The following EFCAB8 variants were observed in gnomAD, a reference collection of about 807,000 sequenced individuals.
EFCAB8 encodes EF-hand calcium binding domain 8.
Under a neutral mutation model 116.3 loss-of-function variants are expected in EFCAB8, and 100 were observed. The ratio of observed to expected loss-of-function variants is 0.86; its 90% CI spans 0.73 to 1.02. EFCAB8 has a LOEUF of 1.02. Ranked by LOEUF, EFCAB8 falls within the 50% of genes least tolerant of loss-of-function variation. The pLI, the probability that EFCAB8 is intolerant of heterozygous loss-of-function variation, is 0.00. For missense variants in EFCAB8, 1,320 were observed against 1,416.9 expected, an observed-to-expected ratio of 0.93 and a Z score of 1.10; for synonymous variants, 558 against 567.9, an observed-to-expected ratio of 0.98 and a Z score of 0.25.
intron 1 of EFCAB8, among the ~76,000 whole-genome samples, chr20:32,862,224 G>C (rs887143537): frequency 2.0e-5 from 3 of 150,846 alleles, no homozygotes; most frequent in African/African-American, 7.3e-5. Context: ...TCAACCTCCT[G>C]GGCTCAAGTA....
chr20:32,898,550 G>A lies in EFCAB8; in HGVS notation c.1015G>A (p.Val339Ile). Reference sequence around the variant, plus strand: ...GTTCATCCCCCAGATGAATGTGGTAGTCTCCTGTTCAGCCATCGAGAAGTC... The same window carrying A: ...GTTCATCCCCCAGATGAATGTGGTAATCTCCTGTTCAGCCATCGAGAAGTC... ...VKFIPQMNVV[V>I]SCSAIEKSSL... The change falls in exon 11 of 27, where the codon GTC becomes ATC. Residue 339 changes from valine (V) to isoleucine (I), a missense_variant. Physicochemically the swap from Val to Ile is conservative, Grantham distance 29 (BLOSUM62 3). Transcript: ENST00000400522. 1 of 718,676 alleles carries A rather than the reference G, an allele frequency of 1.4e-6. No homozygotes were observed. 44.5% of individuals were successfully genotyped at this position (718,676 alleles called of 1,614,324 possible).
At chr20:32,913,143 G>A (rs1987021564) in intron 17 of EFCAB8, among the ~76,000 whole-genome samples, 1 of 152,178 alleles carries the variant, frequency 6.6e-6, no homozygotes, top group Non-Finnish European at 1.5e-5. Context: ...GAATGTCTTA[G>A]TCCATTCGGG....
At chr20:32,879,943 C>G (rs1250826168) in intron 5 of EFCAB8, among the ~76,000 whole-genome samples, 1 of 152,162 alleles carries the variant, frequency 6.6e-6, no homozygotes, top group African/African-American at 2.4e-5. Flanking sequence ...GTGTTCCTCC[C>G]CCTGGACTCC....
intron 23 of EFCAB8, among the ~76,000 whole-genome samples, chr20:32,948,802 T>C (rs966519658): frequency 2.6e-5 from 4 of 152,132 alleles, no homozygotes; most frequent in Non-Finnish European, 5.9e-5. Flanking sequence ...TTTGACAAAA[T>C]TCAACATCCA....
intron 22 of EFCAB8, among the ~76,000 whole-genome samples, chr20:32,940,624 G>A (rs1988376082): frequency 6.7e-6 from 1 of 149,922 alleles, no homozygotes; most frequent in South Asian, 2.1e-4. Context: ...ATACCGTCAA[G>A]AAAGTGAAAG....
intron 6 of EFCAB8, among the ~76,000 whole-genome samples, chr20:32,887,324 C>T (rs1985682024): frequency 6.6e-6 from 1 of 152,236 alleles, no homozygotes; most frequent in African/African-American, 2.4e-5. Context: ...GCCTGTAATC[C>T]CAGCACTTTG....
At chr20:32,952,067 C>A (rs956314966) in intron 23 of EFCAB8, among the ~76,000 whole-genome samples, 13 of 151,962 alleles carry the variant, frequency 8.6e-5, no homozygotes, top group Non-Finnish European at 1.8e-4. Context: ...TGAGACCAGC[C>A]TGGGCAACAT....
In EFCAB8 at chr20:32,885,643, G is replaced by A. The variant is rs1243474964; in HGVS notation, c.567+3G>A. On this transcript the variant is annotated splice_donor_region_variant and intron_variant, in intron 6 of 26. Coordinates refer to ENST00000400522, the MANE Select transcript of EFCAB8 (RefSeq NM_001143967.2). ...TCTCGCTGATGAGCTCCTTTAGGGT[G>A]AGTGGGGCCCCTACACATGGTGCAC... 1 of 1,551,608 alleles carries A rather than the reference G, an allele frequency of 6.4e-7. No individual in the cohort carries two copies. Among genetic ancestry groups the A allele is most frequent in the Non-Finnish European group, 8.7e-7 (1 of 1,146,912 alleles).
intron 22 of EFCAB8, among the ~76,000 whole-genome samples, chr20:32,941,081 G>A (rs1988394217): frequency 1.3e-5 from 2 of 149,142 alleles, no homozygotes; most frequent in South Asian, 2.1e-4. Flanking sequence ...GTGTAACCCC[G>A]TCTCTACTAA....
rs146356976 is a variant in EFCAB8, at chr20:32,887,262, G to A, written c.567+1622G>A. Among the ~76,000 whole-genome samples, 651 of 152,332 alleles carry A rather than the reference G, an allele frequency of 4.3e-3. 4 individuals carry two copies. Among genetic ancestry groups the A allele is most frequent in the African/African-American group, 0.015 (627 of 41,580 alleles). On this transcript the variant is annotated intron_variant, in intron 6 of 26. Transcript: ENST00000400522. ...TTCTTTCTGCTTTCTTCAGTTCAGA[G>A]CCTGTGGTGTCATTCAAAGAGTAAA...
At chr20:32,935,926 G>A (rs948580219) in intron 22 of EFCAB8, among the ~76,000 whole-genome samples, 9 of 152,080 alleles carry the variant, frequency 5.9e-5, no homozygotes, top group African/African-American at 2.2e-4. Context: ...GTCACTCTGT[G>A]GGTTATCTCT....
At chr20:32,894,731 T>A (rs1986077085) in intron 9 of EFCAB8, among the ~76,000 whole-genome samples, 1 of 152,198 alleles carries the variant, frequency 6.6e-6, no homozygotes, top group Non-Finnish European at 1.5e-5. Flanking sequence ...CCCTGATAGC[T>A]TTGGTATAAG....
Position 32,960,624 on chromosome 20 carries a change from G to A in EFCAB8, c.3393+463G>A, listed in dbSNP as rs188135470. On this transcript the variant is annotated intron_variant, in intron 26 of 26. Coordinates refer to ENST00000400522, the MANE Select transcript of EFCAB8 (RefSeq NM_001143967.2). ...GGACAGAAAGGAGCAGGGGATGTTC[G>A]AAAGAGCAGATTTGAGCTCCAGATT... 7.2e-5 allele frequency among the ~76,000 whole-genome samples: 11 copies of A among 152,346 alleles called. No homozygotes were observed. In the East Asian group the frequency reaches 1.4e-3, roughly 19 times the overall value.
intron 5 of EFCAB8, among the ~76,000 whole-genome samples, chr20:32,883,365 C>T (rs1568907009): frequency 1.3e-5 from 2 of 152,172 alleles, no homozygotes; most frequent in Non-Finnish European, 2.9e-5. Flanking sequence ...AGGCTTTTGT[C>T]GTAAGCCCCA....
At chr20:32,916,905 G>C (rs901995888) in intron 17 of EFCAB8, among the ~76,000 whole-genome samples, 3 of 152,068 alleles carry the variant, frequency 2.0e-5, no homozygotes, top group African/African-American at 7.2e-5. Context: ...TGAGAAGGAA[G>C]GGTCTCTGTG....
At chr20:32,859,973 A>G (rs1166128846) in intron 1 of EFCAB8, among the ~76,000 whole-genome samples, 4 of 152,126 alleles carry the variant, frequency 2.6e-5, no homozygotes, top group Non-Finnish European at 5.9e-5. Context: ...GTCACCTTTC[A>G]TCTCTAACAG....
At chr20:32,872,496 A>G (rs73114175) in intron 3 of EFCAB8, among the ~76,000 whole-genome samples, 4,306 of 152,190 alleles carry the variant, frequency 0.028, 95 homozygotes, top group Non-Finnish European at 0.043. Flanking sequence ...GACAGACAAG[A>G]GTGAAAGCGA....
intron 5 of EFCAB8, among the ~76,000 whole-genome samples, chr20:32,880,489 G>A (rs1210573922): frequency 1.3e-5 from 2 of 152,070 alleles, no homozygotes; most frequent in Non-Finnish European, 2.9e-5. Flanking sequence ...TGGGCTGTTT[G>A]TGAACTTGGG....
At chr20:32,954,579 T>C (rs1600470793) in intron 23 of EFCAB8, among the ~76,000 whole-genome samples, 1 of 152,354 alleles carries the variant, frequency 6.6e-6, no homozygotes, top group East Asian at 1.9e-4. Flanking sequence ...TGTTCTCTAA[T>C]AAATTTTTGC....
Sources: gnomAD v4.1 joint callset for allele counts (sites outside exome capture counted in the v4.1 genomes callset) on GRCh38, gnomAD v4.1.1 for gene constraint, MANE v1.5 for transcripts, NCBI Gene and HGNC (gene_info 2026-07-23, HGNC 2026-07-21) for gene names.